The following HS6ST2 variants were observed in gnomAD, a reference collection of about 807,000 sequenced individuals.
HS6ST2 encodes the protein heparan sulfate 6-O-sulfotransferase 2.
In HS6ST2, 17 loss-of-function variants were observed where a neutral mutation model predicts 33.0. The observed-to-expected ratio is 0.52, with a 90% CI of 0.35 to 0.77. The LOEUF (loss-of-function observed/expected upper bound fraction) is 0.77. Ranked by LOEUF, HS6ST2 falls within the 30% of genes least tolerant of loss-of-function variation. HS6ST2 has a pLI of 0.01. For missense variants in HS6ST2, 519 were observed against 551.7 expected (o/e 0.94, Z 0.59); for synonymous variants, 248 against 237.1 (o/e 1.05, Z -0.42).
At chrX:132,881,448 T>C (rs1013664076) in intron 2 of HS6ST2, among the ~76,000 whole-genome samples, 9 of 104,010 alleles carry the variant, frequency 8.7e-5, no homozygotes, top group African/African-American at 2.8e-4. Flanking sequence ...TCTGTTCATA[T>C]ACTTTGCCTA....
chrX:132,650,683 T>C, intron 4 of HS6ST2, among the ~76,000 whole-genome samples: 1 of 108,200 alleles, frequency 9.2e-6, no homozygotes, highest in Middle Eastern at 4.7e-3. Flanking sequence ...CACCCCCTTT[T>C]CCACCTCAAC....
intron 2 of HS6ST2, among the ~76,000 whole-genome samples, chrX:132,937,964 C>G (rs2066843217): frequency 9.4e-6 from 1 of 106,613 alleles, no homozygotes; most frequent in South Asian, 4.1e-4. Context: ...GAGTTTGAGA[C>G]CAGCCTGGAC....
At chrX:132,899,127 A>G (rs995384383) in intron 2 of HS6ST2, among the ~76,000 whole-genome samples, 3 of 111,747 alleles carry the variant, frequency 2.7e-5, no homozygotes, top group Non-Finnish European at 5.6e-5. Context: ...CAAGCCTCAA[A>G]AGGATCAAAC....
chrX:132,752,931 C>A (rs376703322), intron 2 of HS6ST2, among the ~76,000 whole-genome samples: 20 of 112,303 alleles, frequency 1.8e-4, no homozygotes, highest in African/African-American at 6.5e-4. Context: ...TTTTCTAGGA[C>A]AAAGGTCCAG....
intron 2 of HS6ST2, among the ~76,000 whole-genome samples, chrX:132,872,213 A>C (rs1313212169): frequency 8.9e-6 from 1 of 112,031 alleles, no homozygotes; most frequent in Non-Finnish European, 1.9e-5. Context: ...AGTCGTAGTC[A>C]TTCATAGTCC....
chrX:132,654,650 T>C (rs2063718016), intron 4 of HS6ST2, among the ~76,000 whole-genome samples: 1 of 112,335 alleles, frequency 8.9e-6, no homozygotes, highest in Admixed American at 9.5e-5. Context: ...TTTTATGAGA[T>C]GCTATAAGAT....
At chrX:132,843,330 C>T (rs1300566238) in intron 2 of HS6ST2, among the ~76,000 whole-genome samples, 1 of 111,975 alleles carries the variant, frequency 8.9e-6, no homozygotes. Context: ...ATACCACTTA[C>T]ATGGGTTTTG....
intron 2 of HS6ST2, among the ~76,000 whole-genome samples, chrX:132,729,701 AAT>A (rs1346308199): frequency 8.9e-6 from 1 of 111,971 alleles, no homozygotes; most frequent in Non-Finnish European, 1.9e-5. Context: ...TTTTAATAAA[AAT>A]ATGTTAATAT....
chrX:132,912,911 A>T (rs886794922), intron 2 of HS6ST2, among the ~76,000 whole-genome samples: 1 of 110,994 alleles, frequency 9.0e-6, no homozygotes, highest in Non-Finnish European at 1.9e-5. Flanking sequence ...CCCACCCTTC[A>T]CCTATTTTAC....
intron 2 of HS6ST2, among the ~76,000 whole-genome samples, chrX:132,810,962 T>C (rs944892248): frequency 1.8e-5 from 2 of 112,489 alleles, no homozygotes; most frequent in Admixed American, 9.4e-5. Context: ...TAAACAGTTA[T>C]GTTAAATCAC....
chrX:132,713,561 T>C (rs2064250078), intron 2 of HS6ST2, among the ~76,000 whole-genome samples: 1 of 111,857 alleles, frequency 8.9e-6, no homozygotes, highest in Non-Finnish European at 1.9e-5. Flanking sequence ...GTTCTACTGT[T>C]TGACCGCTCT....
intron 2 of HS6ST2, among the ~76,000 whole-genome samples, chrX:132,911,254 C>T (rs1252880818): frequency 9.0e-6 from 1 of 111,079 alleles, no homozygotes; most frequent in East Asian, 2.8e-4. Context: ...TCCTTCCCAC[C>T]GCTCCTGGCC....
intron 2 of HS6ST2, among the ~76,000 whole-genome samples, chrX:132,780,634 G>A (rs994639000): frequency 9.0e-6 from 1 of 111,425 alleles, no homozygotes; most frequent in Non-Finnish European, 1.9e-5. Context: ...GCCTCAGTGC[G>A]CTCACTCATC....
intron 4 of HS6ST2, among the ~76,000 whole-genome samples, chrX:132,662,475 G>C (rs2063781135): frequency 1.8e-5 from 2 of 112,144 alleles, no homozygotes; most frequent in Admixed American, 9.4e-5. Flanking sequence ...GTATGACACA[G>C]AGGTAGAAAA....
intron 2 of HS6ST2, among the ~76,000 whole-genome samples, chrX:132,748,569 C>T (rs1393067561): frequency 9.0e-6 from 1 of 111,429 alleles, no homozygotes; most frequent in Non-Finnish European, 1.9e-5. Context: ...TGAGTCCTAA[C>T]GCTTGGATCA....
Position 132,958,218 on chromosome X carries a change from C to A in HS6ST2, c.385G>T (p.Val129Leu), listed in dbSNP as rs2148511061. 2 of 1,169,849 alleles carry A rather than the reference C, an allele frequency of 1.7e-6. No homozygotes were observed. Among genetic ancestry groups the A allele is most frequent in the East Asian group, 3.0e-5 (1 of 33,007 alleles). Residue 129 changes from valine to leucine, a missense_variant, in exon 1 of 5, where the codon GTG becomes TTG. Val to Leu is a conservative substitution (Grantham distance 32). Transcript: ENST00000370833. ...ATCTTGGAGAAGATCGCACCGAGCA[C>A]GTGCTTCAGCGAGTGGCCCAGGGCG... ...LAALGHSLKH[V>L]LGAIFSKIFG...
chrX:132,801,282 C>A (rs1378541033), intron 2 of HS6ST2, among the ~76,000 whole-genome samples: 1 of 109,494 alleles, frequency 9.1e-6, no homozygotes, highest in African/African-American at 3.3e-5. Context: ...GGTGACAAAG[C>A]AAGACTCTGT....
chrX:132,891,544 C>T (rs1466886550), intron 2 of HS6ST2, among the ~76,000 whole-genome samples: 3 of 109,469 alleles, frequency 2.7e-5, no homozygotes, highest in African/African-American at 1.0e-4. Flanking sequence ...ACTCCCCCCA[C>T]CCCACAACAG....
At chrX:132,900,462 T>C (rs1198003297) in intron 2 of HS6ST2, among the ~76,000 whole-genome samples, 1 of 111,448 alleles carries the variant, frequency 9.0e-6, no homozygotes, top group Non-Finnish European at 1.9e-5. Flanking sequence ...ATGCCTATAA[T>C]CCTAGCACTT....
Sources: allele counts gnomAD v4.1 joint callset (sites outside exome capture counted in the v4.1 genomes callset), GRCh38; gene constraint gnomAD v4.1.1; transcripts MANE v1.5; gene names NCBI Gene and HGNC (gene_info 2026-07-23, HGNC 2026-07-21).